The following SLC23A3 variants were observed in gnomAD, a reference collection of about 807,000 sequenced individuals.
The protein encoded by SLC23A3 is E2-binding protein 3.
SLC23A3 carries 41 observed loss-of-function variants against 64.7 expected under a neutral mutation model. That is an observed-to-expected ratio of 0.63 (90% CI 0.49 to 0.82). The LOEUF (loss-of-function observed/expected upper bound fraction) is 0.82, where lower values mean the gene tolerates loss of function less well. SLC23A3 is among the 40% of genes least tolerant of loss of function. The pLI is 0.00. For missense variants in SLC23A3, 647 were observed against 733.4 expected (o/e 0.88, Z 1.36); for synonymous variants, 281 against 306.8 (o/e 0.92, Z 0.88).
At chr2:219,168,155 C>T (rs1559210263) in intron 6 of SLC23A3, 40 bp downstream of exon 6, 1 of 1,607,616 alleles carries the variant, frequency 6.2e-7, no homozygotes, top group Admixed American at 1.7e-5. Flanking sequence ...TCCAGGCCAG[C>T]CCTTCTGACC....
chr2:219,164,822 G>C (rs111933891), intron 8 of SLC23A3: 3 of 305,920 alleles, frequency 9.8e-6, no homozygotes, highest in African/African-American at 6.7e-5. Flanking sequence ...GCCTCCCCAC[G>C]TGCTAGGATT....
Position 219,169,014 on chromosome 2 carries a change from C to T in SLC23A3, c.492+15G>A, listed in dbSNP as rs757740865. On this transcript the variant is annotated intron_variant, in intron 4 of 11. Coordinates refer to ENST00000409878, the MANE Select transcript of SLC23A3 (RefSeq NM_001144889.2). The surrounding 1 kb of genome is among the most constrained non-coding windows in gnomAD (Gnocchi z 4.5). ...CTGGCACCACCCTTATCCCTTCTCA[C>T]CTCCAGATACCCACCTCCTGGAGAG... 5 of 1,611,326 alleles carry T rather than the reference C, an allele frequency of 3.1e-6. No individual in the cohort carries two copies. The highest frequency in any genetic ancestry group is 1.7e-4 in the Middle Eastern group (1 of 6,060).
chr2:219,163,265 T>TAC, intron 10 of SLC23A3, 123 bp downstream of exon 10: 1 of 966,094 alleles, frequency 1.0e-6, no homozygotes, highest in Non-Finnish European at 1.6e-6. Context: ...AAATATCTGT[T>TAC]AAACAAATGG....
At chr2:219,164,822 G>A (rs111933891) in intron 8 of SLC23A3, 31 of 305,920 alleles carry the variant, frequency 1.0e-4, no homozygotes, top group African/African-American at 6.3e-4. Context: ...GCCTCCCCAC[G>A]TGCTAGGATT....
chr2:219,162,048 T>G lies in SLC23A3; in HGVS notation c.1694A>C (p.His565Pro). 1 of 1,614,068 alleles carries G rather than the reference T, an allele frequency of 6.2e-7. No homozygotes were observed. The highest frequency in any genetic ancestry group is 1.3e-5 in the African/African-American group (1 of 75,006). ...GTCTTCAGGCAGTGGGCAGAGGCAG[T>G]GGAGAGGCTGGGGGATGCAGGGACA... ...NLCPCIPQPL[H>P]CLCPLPEDPG... Residue 565 changes from histidine to proline, a missense_variant, in exon 12 of 12, where the codon CAC (histidine) becomes CCC (proline). Coordinates refer to ENST00000409878, the MANE Select transcript of SLC23A3 (RefSeq NM_001144889.2).
In SLC23A3 at chr2:219,167,969, C is replaced by A. The variant is rs781362280; in HGVS notation, c.874G>T (p.Ala292Ser). Residue 292 changes from alanine to serine, a missense_variant, in exon 7 of 12, where the codon GCC becomes TCC. Coordinates refer to ENST00000409878, the MANE Select transcript of SLC23A3 (RefSeq NM_001144889.2). Reference sequence around the variant, plus strand: ...CAAATCCATGGTGCCTTGGTGGGGGCAGACAGTTCCTGGGGGATAACACTG... The same window carrying A: ...CAAATCCATGGTGCCTTGGTGGGGGAAGACAGTTCCTGGGGGATAACACTG... ...GFSVIPQELS[A>S]PTKAPWIWLP... 3 of 1,585,432 alleles carry A rather than the reference C, an allele frequency of 1.9e-6. No homozygotes were observed. Among genetic ancestry groups the A allele is most frequent in the Admixed American group, 2.0e-5 (1 of 50,244 alleles).
At position 219,164,155 on chromosome 2, in the gene SLC23A3, G is replaced by T. The variant is rs1023302750; in HGVS notation, c.1273+78C>A. 6 of 912,832 alleles carry T rather than the reference G, an allele frequency of 6.6e-6. No individual in the cohort carries two copies. The African/African-American group carries it at 8.3e-5, about 13-fold the overall frequency. 56.5% of individuals were successfully genotyped at this position (912,832 alleles called of 1,614,324 possible). A position where few individuals can be genotyped will look rare whatever the true frequency, so the allele number is the denominator to read the frequency against. On this transcript the variant is annotated intron_variant, in intron 9 of 11. Transcript: ENST00000409878. The stretch of plus-strand genomic sequence containing the variant: ...CCAGGAAAGCTATTTAGAAGGAAAG[G>T]GTGCCATCCTAAAGAACTGATCAGG...
rs377133140 is a variant in SLC23A3 at position 219,169,397 on chromosome 2, A to G, written c.330T>C (p.Leu110=). 16 of 1,614,066 alleles carry G rather than the reference A, an allele frequency of 9.9e-6. No individual in the cohort carries two copies. Among genetic ancestry groups the G allele is most frequent in the Non-Finnish European group, 1.4e-5 (16 of 1,180,032 alleles). Residue 110 remains leucine, a synonymous_variant, in exon 3 of 12, where the codon CTT becomes CTC. Transcript: ENST00000409878. This position sits in a 1 kb window ranked among gnomAD's most constrained non-coding sequence, Gnocchi z 4.5. ...LQTWMGSRLP[L]VQAPSLEFLI... Reference sequence around the variant, plus strand: ...GGAACTCTAAGGATGGAGCCTGGACAAGAGGCAGCCTGTAGGAACAGCAGC... The same window carrying G: ...GGAACTCTAAGGATGGAGCCTGGACGAGAGGCAGCCTGTAGGAACAGCAGC...
At chr2:219,162,441 C>G in intron 10 of SLC23A3, 47 bp from the exon 11 acceptor site, 1 of 1,451,472 alleles carries the variant, frequency 6.9e-7, no homozygotes, top group African/African-American at 1.4e-5. Flanking sequence ...GATCCTATAT[C>G]CAAGCCCAGG....
rs1403473697 is a variant in SLC23A3, at chr2:219,169,591, A to G, written c.250T>C (p.Ser84Pro). The stretch of plus-strand genomic sequence containing the variant: ...AAGAAGCTGGAGGCCAGGAGCTGAG[A>G]AGGGGAGTAAGAGAGTCCTCCTGGG... ...LSPGGLSYSP[S>P]QLLASSFFSC... Residue 84 changes from serine to proline, a missense_variant, in exon 2 of 12, where the codon TCT (serine) becomes CCT (proline). Coordinates refer to ENST00000409878, the MANE Select transcript of SLC23A3 (RefSeq NM_001144889.2). The surrounding 1 kb of genome is among the most constrained non-coding windows in gnomAD (Gnocchi z 4.5). 3 of 1,614,060 alleles carry G rather than the reference A, an allele frequency of 1.9e-6. No homozygotes were observed. The African/African-American group carries it at 4.0e-5, about 22-fold the overall frequency.
rs893640335 is a variant in SLC23A3 at position 219,164,406 on chromosome 2, G to A, written c.1168-68C>T. 5 of 1,041,262 alleles carry A rather than the reference G, an allele frequency of 4.8e-6. No homozygotes were observed. The Admixed American group carries it at 1.1e-4, about 22-fold the overall frequency. 64.5% of individuals were successfully genotyped at this position (1,041,262 alleles called of 1,614,324 possible). The stretch of plus-strand genomic sequence containing the variant: ...GACTGTCCCAGGTCTTTGCCTTACT[G>A]GTTCCTTCTCATCATTTGGATCCCA... On this transcript the variant is annotated intron_variant, in intron 8 of 11. Coordinates refer to ENST00000409878, the MANE Select transcript of SLC23A3 (RefSeq NM_001144889.2).
At position 219,161,664 on chromosome 2, in the gene SLC23A3, G is replaced by C. The variant is rs1265488772; in HGVS notation, c.*245C>G. ...TGAATGCTGGGGTTCAAGTGGCATT[G>C]ATAGTACACAGGCAAAATCTCAATC... On this transcript the variant is annotated 3_prime_UTR_variant, in exon 12 of 12. Coordinates refer to ENST00000409878, the MANE Select transcript of SLC23A3 (RefSeq NM_001144889.2). 7.6e-6 allele frequency: 3 copies of C among 396,954 alleles called. No individual in the cohort carries two copies. The highest frequency in any genetic ancestry group is 1.3e-5 in the Non-Finnish European group (3 of 222,462). 24.6% of individuals were successfully genotyped at this position (396,954 alleles called of 1,614,324 possible).
At chr2:219,168,161 T>G in intron 6 of SLC23A3, 34 bp downstream of exon 6, 1 of 1,610,260 alleles carries the variant, frequency 6.2e-7, no homozygotes, top group Middle Eastern at 1.7e-4. Flanking sequence ...CCAGCCCTTC[T>G]GACCTCTACT....
At position 219,162,454 on chromosome 2, in the gene SLC23A3, T is replaced by A. The variant is rs1949957853; in HGVS notation, c.1442-60A>T. 3.9e-6 allele frequency: 5 copies of A among 1,289,414 alleles called. No individual in the cohort carries two copies. The African/African-American group carries it at 4.4e-5, about 11-fold the overall frequency. The allele number at this position is 1,289,414 out of a possible 1,614,324, so 79.9% of individuals were successfully genotyped here. ...CTGATCCTATATCCAAGCCCAGGAG[T>A]CTTACCCTCCCAGACCTAAACCTAA... is the stretch of plus-strand genomic sequence containing the variant. On this transcript the variant is annotated intron_variant, in intron 10 of 11. Transcript: ENST00000409878.
Position 219,164,508 on chromosome 2 carries a change from A to AT in SLC23A3, c.1168-171dup, listed in dbSNP as rs1247284375. 1.3e-5 allele frequency: 7 copies of AT among 558,076 alleles called. No homozygotes were observed. In the South Asian group the frequency reaches 1.4e-4, roughly 11 times the overall value. 34.6% of individuals were successfully genotyped at this position (558,076 alleles called of 1,614,324 possible). A position where few individuals can be genotyped will look rare whatever the true frequency, so the allele number is the denominator to read the frequency against. ...GCCTCCTTTCCATCCCACTACCCTG[A>AT]TTTTTTTATATAGCACTTATTGCCT... On this transcript the variant is annotated intron_variant, in intron 8 of 11. Transcript: ENST00000409878.
In SLC23A3 at chr2:219,162,791, G is replaced by A. The variant is rs1003782567; in HGVS notation, c.1442-397C>T. 2.0e-5 allele frequency among the ~76,000 whole-genome samples: 3 copies of A among 152,198 alleles called. 1 individual carries two copies. The highest frequency in any genetic ancestry group is 1.5e-5 in the Non-Finnish European group (1 of 68,008). Reference sequence around the variant, plus strand: ...TTTGTTGGGGGTGGTGGTGCAGGGGGGATGTCCTGTACAGTGTAGGATGTT... The same window carrying A: ...TTTGTTGGGGGTGGTGGTGCAGGGGAGATGTCCTGTACAGTGTAGGATGTT... On this transcript the variant is annotated intron_variant, in intron 10 of 11. Coordinates refer to ENST00000409878, the MANE Select transcript of SLC23A3 (RefSeq NM_001144889.2).
chr2:219,169,214 C>T lies in SLC23A3; in HGVS notation c.418+95G>A, dbSNP rs1177922855. The T allele has an allele frequency of 2.5e-5, 40 of 1,610,646 alleles. No individual in the cohort carries two copies. The highest frequency in any genetic ancestry group is 3.4e-5 in the Non-Finnish European group (40 of 1,177,822). On this transcript the variant is annotated intron_variant, in intron 3 of 11. Transcript: ENST00000409878. The surrounding 1 kb of genome is among the most constrained non-coding windows in gnomAD (Gnocchi z 4.5). ...AGCCCCCTATAGTGTCACAGTCTCA[C>T]CACTGCCCAATCTCAATTCTGCACC...
At chr2:219,168,150 G>T in intron 6 of SLC23A3, 45 bp downstream of exon 6, 2 of 1,607,116 alleles carry the variant, frequency 1.2e-6, no homozygotes, top group South Asian at 2.2e-5. Flanking sequence ...AGCACTCCAG[G>T]CCAGCCCTTC....
chr2:219,167,935 T>C lies in SLC23A3; in HGVS notation c.908A>G (p.His303Arg). 3 of 1,581,784 alleles carry C rather than the reference T, an allele frequency of 1.9e-6. No homozygotes were observed. Among genetic ancestry groups the C allele is most frequent in the African/African-American group, 1.4e-5 (1 of 72,760 alleles). ...AGGACTAGGAGAAAACCTACCTGGG[T>C]GAGGCAGCCAAATCCATGGTGCCTT... ...PTKAPWIWLP[H>R]PGEWNWPLLT... The change falls in exon 7 of 12, where the codon CAC becomes CGC. Residue 303 changes from histidine (H) to arginine (R), a missense_variant. By Grantham distance (29) the His-to-Arg change is conservative. Transcript: ENST00000409878.
Sources: gnomAD v4.1 joint callset for allele counts (sites outside exome capture counted in the v4.1 genomes callset) on GRCh38, gnomAD v4.1.1 for gene constraint, Gnocchi (gnomAD v3.1) non-coding constraint, MANE v1.5 for transcripts, NCBI Gene and HGNC (gene_info 2026-07-23, HGNC 2026-07-21) for gene names.